FOXB1: variants seen among roughly 807,000 people sequenced by gnomAD.
FOXB1 encodes the protein forkhead box B1.
In FOXB1, 6 loss-of-function variants were observed where a neutral mutation model predicts 18.6. That is an observed-to-expected ratio of 0.32 (90% CI 0.18 to 0.64). The LOEUF (loss-of-function observed/expected upper bound fraction) is 0.64, where lower values mean the gene tolerates loss of function less well. Among genes scored for constraint, FOXB1 ranks in the 30% least tolerant of loss-of-function variants. FOXB1 has a pLI of 0.78. For missense variants in FOXB1, 419 were observed against 463.6 expected, an observed-to-expected ratio of 0.90 and a Z score of 0.88; for synonymous variants, 213 against 216.0, an observed-to-expected ratio of 0.99 and a Z score of 0.12.
In FOXB1 at chr15:60,006,128, G is replaced by A. The variant is rs573608083; in HGVS notation, c.*187G>A. ...GGAGACCAAACACAAACTTGCAGAT[G>A]GGCCGAGAGGCGCGTGGGAGTTGTC... On this transcript the variant is annotated 3_prime_UTR_variant, in exon 2 of 2. Transcript: ENST00000396057. 176 of 720,196 alleles carry A rather than the reference G, an allele frequency of 2.4e-4. No individual in the cohort carries two copies. The highest frequency in any genetic ancestry group is 1.6e-3 in the Middle Eastern group (4 of 2,440). The allele number at this position is 720,196 out of a possible 1,614,324, so 44.6% of individuals were successfully genotyped here.
At position 60,005,773 on chromosome 15, in the gene FOXB1, G is replaced by C. The variant is rs1163849546; in HGVS notation, c.810G>C (p.Val270=). 1 of 1,602,054 alleles carries C rather than the reference G, an allele frequency of 6.2e-7. No individual in the cohort carries two copies. Among genetic ancestry groups the C allele is most frequent in the Admixed American group, 1.7e-5 (1 of 59,396 alleles). Residue 270 remains valine (V), a synonymous_variant, in exon 2 of 2, where the codon GTG becomes GTC. Coordinates refer to ENST00000396057, the MANE Select transcript of FOXB1 (RefSeq NM_012182.3). This position sits in a 1 kb window ranked among gnomAD's most constrained non-coding sequence, Gnocchi z 9.8. ...PVPIKPTPAA[V]PALPALPAPI... ...CCATTAAGCCCACGCCGGCCGCCGTGCCCGCGCTGCCTGCGCTGCCAGCGC... is the reference window on the plus strand; with the variant it reads ...CCATTAAGCCCACGCCGGCCGCCGTCCCCGCGCTGCCTGCGCTGCCAGCGC...
rs765331905 is a variant in FOXB1 at position 60,005,238 on chromosome 15, G to A, written c.275G>A (p.Ser92Asn). Residue 92 changes from serine (S) to asparagine (N), a missense_variant, in exon 2 of 2, where the codon AGC (serine) becomes AAC (asparagine). Around this residue, in one of 3 missense-constraint regions of FOXB1, gnomAD observed 153 missense variants for 173.8 expected, o/e 0.88. Coordinates refer to ENST00000396057, the MANE Select transcript of FOXB1 (RefSeq NM_012182.3). The surrounding 1 kb of genome is among the most constrained non-coding windows in gnomAD (Gnocchi z 9.8). Reference sequence around the variant, plus strand: ...GGCAGCTTCTGGGCGCTGCACCCAAGCTGCGGGGACATGTTCGAGAACGGC... The same window carrying A: ...GGCAGCTTCTGGGCGCTGCACCCAAACTGCGGGGACATGTTCGAGAACGGC... ...GKGSFWALHPSCGDMFENGSF... is the reference protein window; with the variant it reads ...GKGSFWALHPNCGDMFENGSF... 2.5e-6 allele frequency: 4 copies of A among 1,614,028 alleles called. No individual in the cohort carries two copies. The highest frequency in any genetic ancestry group is 3.4e-6 in the Non-Finnish European group (4 of 1,180,042).
At chr15:60,004,707 C>A in intron 1 of FOXB1, 64 bp downstream of exon 1, 1 of 545,572 alleles carries the variant, frequency 1.8e-6, no homozygotes, top group East Asian at 3.1e-5. Flanking sequence ...TACTTCCCGG[C>A]TATCCTCGCG....
Position 60,005,736 on chromosome 15 carries a change from C to A in FOXB1, c.773C>A (p.Ala258Asp). 5 of 1,602,496 alleles carry A rather than the reference C, an allele frequency of 3.1e-6. No homozygotes were observed. Among genetic ancestry groups the A allele is most frequent in the Non-Finnish European group, 3.4e-6 (4 of 1,178,054 alleles). The change falls in exon 2 of 2, where the codon GCC (alanine) becomes GAC (aspartate). Residue 258 changes from alanine (A) to aspartate (D), a missense_variant. By Grantham distance (126) the Ala-to-Asp change is moderately radical. Transcript: ENST00000396057. This position sits in a 1 kb window ranked among gnomAD's most constrained non-coding sequence, Gnocchi z 9.8. ...CACGCGGCGGGCCAAACGCTGCCCGCCATCCCCGTGCCCATTAAGCCCACG... is the reference window on the plus strand; with the variant it reads ...CACGCGGCGGGCCAAACGCTGCCCGACATCCCCGTGCCCATTAAGCCCACG... ...LCHAAGQTLP[A>D]IPVPIKPTPA...
In FOXB1 at chr15:60,006,218, A is replaced by C; in HGVS notation, c.*277A>C. On this transcript the variant is annotated 3_prime_UTR_variant, in exon 2 of 2. Transcript: ENST00000396057. ...GAACCATCCCCTCCCTGAGGCCCCG[A>C]AACCCCCTCCTATTTGACCGGCGGG... The C allele has an allele frequency of 4.4e-6, 2 of 457,220 alleles. No individual in the cohort carries two copies. Among genetic ancestry groups the C allele is most frequent in the Non-Finnish European group, 7.6e-6 (2 of 262,144 alleles). 28.3% of individuals were successfully genotyped at this position (457,220 alleles called of 1,614,324 possible).
chr15:60,006,240 CG>C lies in FOXB1; in HGVS notation c.*304del, dbSNP rs1455068508. 4.6e-6 allele frequency: 2 copies of C among 434,164 alleles called. No homozygotes were observed. Among genetic ancestry groups the C allele is most frequent in the Non-Finnish European group, 8.1e-6 (2 of 247,260 alleles). The allele number at this position is 434,164 out of a possible 1,614,324, so 26.9% of individuals were successfully genotyped here. A position where few individuals can be genotyped will look rare whatever the true frequency, so the allele number is the denominator to read the frequency against. Reference sequence around the variant, plus strand: ...CCGAAACCCCCTCCTATTTGACCGGCGGGGGAAACCCTGTCACCCCCTCTTC... The same window carrying C: ...CCGAAACCCCCTCCTATTTGACCGGCGGGGAAACCCTGTCACCCCCTCTTC... On this transcript the variant is annotated 3_prime_UTR_variant, in exon 2 of 2. Coordinates refer to ENST00000396057, the MANE Select transcript of FOXB1 (RefSeq NM_012182.3).
chr15:60,005,692 G>A lies in FOXB1; in HGVS notation c.729G>A (p.Val243=). The stretch of plus-strand genomic sequence containing the variant: ...GTGGCGACTACAGCGCCTACGGCGT[G>A]CCGTTGAAGCCGCTGTGCCACGCGG... ...MASGDYSAYG[V]PLKPLCHAAG... is the part of the protein sequence containing the mutation. Residue 243 remains valine (V), a synonymous_variant, in exon 2 of 2, where the codon GTG becomes GTA. Transcript: ENST00000396057. The surrounding 1 kb of genome is among the most constrained non-coding windows in gnomAD (Gnocchi z 9.8). 2.5e-6 allele frequency: 4 copies of A among 1,604,184 alleles called. No individual in the cohort carries two copies. The highest frequency in any genetic ancestry group is 3.4e-6 in the Non-Finnish European group (4 of 1,177,762).
chr15:60,004,847 AC>A, intron 1 of FOXB1, 59 bp from the exon 2 acceptor site: 1 of 519,384 alleles, frequency 1.9e-6, no homozygotes, highest in South Asian at 2.2e-5. Context: ...GGTCTGGCTG[AC>A]CCCGCCGGTG....
rs1037818388 is a variant in FOXB1, at chr15:60,007,241, A to G, written c.*1300A>G. The G allele has an allele frequency of 6.6e-6, 1 of 152,130 alleles. No homozygotes were observed. Among genetic ancestry groups the G allele is most frequent in the South Asian group, 2.1e-4 (1 of 4,812 alleles). The allele number at this position is 152,130 out of a possible 1,614,324, so 9.4% of individuals were successfully genotyped here. On this transcript the variant is annotated 3_prime_UTR_variant, in exon 2 of 2. Transcript: ENST00000396057. Reference sequence around the variant, plus strand: ...TGTGACCTGCTTAAGTTAAAAAAAAAAAAAGTTGTAGTGTCATCAGAGCTG... The same window carrying G: ...TGTGACCTGCTTAAGTTAAAAAAAAGAAAAGTTGTAGTGTCATCAGAGCTG...
In FOXB1 at chr15:60,004,898, C is replaced by G. The variant is rs559211740; in HGVS notation, c.-57-9C>G. On this transcript the variant is annotated splice_polypyrimidine_tract_variant and intron_variant, in intron 1 of 1. Coordinates refer to ENST00000396057, the MANE Select transcript of FOXB1 (RefSeq NM_012182.3). ...TGCTACCTTTCCCTATTACCCACCC[C>G]CTTCCCAGATCCGAGCAGTCCGCCG... is the stretch of plus-strand genomic sequence containing the variant. 46 of 1,542,452 alleles carry G rather than the reference C, an allele frequency of 3.0e-5. No homozygotes were observed. The Admixed American group carries it at 3.3e-4, about 11-fold the overall frequency.
rs750274997 is a variant in FOXB1 at position 60,004,595 on chromosome 15, G to A, written c.-106G>A. The A allele has an allele frequency of 4.4e-5, 8 of 179,886 alleles. No homozygotes were observed. Among genetic ancestry groups the A allele is most frequent in the Non-Finnish European group, 6.9e-5 (6 of 87,084 alleles). 11.1% of individuals were successfully genotyped at this position (179,886 alleles called of 1,614,324 possible). ...GTGCGCGCCGAGAGAGAAGCGGCGC[G>A]CAGCGGCGTCCTCCCGGATGCGGAC... On this transcript the variant is annotated 5_prime_UTR_variant, in exon 1 of 2. Transcript: ENST00000396057.
Position 60,005,243 on chromosome 15 carries a change from G to A in FOXB1, c.280G>A (p.Gly94Arg), listed in dbSNP as rs750605489. The change falls in exon 2 of 2, where the codon GGG becomes AGG. Residue 94 changes from glycine to arginine, a missense_variant. By Grantham distance (125) the Gly-to-Arg change is moderately radical (BLOSUM62 -2). This residue lies in a region of FOXB1 where 153 missense variants were observed against 173.8 expected (regional missense o/e 0.88). Coordinates refer to ENST00000396057, the MANE Select transcript of FOXB1 (RefSeq NM_012182.3). This position sits in a 1 kb window ranked among gnomAD's most constrained non-coding sequence, Gnocchi z 9.8. The stretch of plus-strand genomic sequence containing the variant: ...CTTCTGGGCGCTGCACCCAAGCTGC[G>A]GGGACATGTTCGAGAACGGCAGCTT... ...GSFWALHPSC[G>R]DMFENGSFLR... is the part of the protein sequence containing the mutation. 1 of 1,614,096 alleles carries A rather than the reference G, an allele frequency of 6.2e-7. No homozygotes were observed. The highest frequency in any genetic ancestry group is 1.1e-5 in the South Asian group (1 of 91,078).
At position 60,005,342 on chromosome 15, in the gene FOXB1, C is replaced by A. The variant is rs1892079977; in HGVS notation, c.379C>A (p.Gln127Lys). The part of the protein sequence containing the change: ...LAPSKPADAA[Q>K]YLQQQAKLRL... ...GCCCAGCAAGCCAGCCGACGCGGCGCAGTACCTGCAGCAGCAGGCCAAGCT... is the reference window on the plus strand; with the variant it reads ...GCCCAGCAAGCCAGCCGACGCGGCGAAGTACCTGCAGCAGCAGGCCAAGCT... Residue 127 changes from glutamine to lysine, a missense_variant, in exon 2 of 2, where the codon CAG becomes AAG. Transcript: ENST00000396057. This position sits in a 1 kb window ranked among gnomAD's most constrained non-coding sequence, Gnocchi z 9.8. 6.2e-7 allele frequency: 1 copy of A among 1,609,772 alleles called. No individual in the cohort carries two copies. The highest frequency in any genetic ancestry group is 1.1e-5 in the South Asian group (1 of 90,886).
At position 60,004,956 on chromosome 15, in the gene FOXB1, GGAA is replaced by G; in HGVS notation, c.-2_1del. ...CGGACCCAGAGCAAGAAGAGGGCGA[GGAA>G]GAAGATGCCTCGGCCCGGCCGCAAC... is the stretch of plus-strand genomic sequence containing the variant. On this transcript the variant is annotated 5_prime_UTR_variant, in exon 2 of 2. Coordinates refer to ENST00000396057, the MANE Select transcript of FOXB1 (RefSeq NM_012182.3). 1.2e-6 allele frequency: 2 copies of G among 1,606,888 alleles called. No individual in the cohort carries two copies. Among genetic ancestry groups the G allele is most frequent in the Non-Finnish European group, 1.7e-6 (2 of 1,175,878 alleles).
Position 60,006,726 on chromosome 15 carries a change from C to CTTGA in FOXB1, c.*786_*789dup, listed in dbSNP as rs1203433244. ...CGCCCAGTAATATGTAAACAGTGAA[C>CTTGA]TTGAATCTGTCTTGCTAGGCGGACG... On this transcript the variant is annotated 3_prime_UTR_variant, in exon 2 of 2. Coordinates refer to ENST00000396057, the MANE Select transcript of FOXB1 (RefSeq NM_012182.3). 3 of 152,144 alleles carry CTTGA rather than the reference C, an allele frequency of 2.0e-5. No individual in the cohort carries two copies. Among genetic ancestry groups the CTTGA allele is most frequent in the African/African-American group, 7.2e-5 (3 of 41,406 alleles). The allele number at this position is 152,144 out of a possible 1,614,324, so 9.4% of individuals were successfully genotyped here.
At position 60,005,385 on chromosome 15, in the gene FOXB1, C is replaced by T. The variant is rs1417207319; in HGVS notation, c.422C>T (p.Ala141Val). The T allele has an allele frequency of 1.3e-6, 2 of 1,599,032 alleles. No individual in the cohort carries two copies. Among genetic ancestry groups the T allele is most frequent in the African/African-American group, 1.3e-5 (1 of 74,612 alleles). The change falls in exon 2 of 2, where the codon GCG (alanine) becomes GTG (valine). Residue 141 changes from alanine (A) to valine (V), a missense_variant. Coordinates refer to ENST00000396057, the MANE Select transcript of FOXB1 (RefSeq NM_012182.3). This position sits in a 1 kb window ranked among gnomAD's most constrained non-coding sequence, Gnocchi z 9.8. The part of the protein sequence containing the change: ...QQAKLRLSAL[A>V]ASGTHLPQMP... ...GCCAAGCTGCGGCTCAGCGCGCTGG[C>T]GGCCTCGGGCACGCACCTGCCACAG...
Position 60,005,518 on chromosome 15 carries a change from G to A in FOXB1, c.555G>A (p.Gly185=), listed in dbSNP as rs1007585120. ...IIAREYKMPG[G]LAFSAMQPVP... ...CGCGGGAATACAAGATGCCTGGGGG[G>A]CTGGCCTTCTCCGCCATGCAGCCGG... Residue 185 remains glycine (G), a synonymous_variant, in exon 2 of 2, where the codon GGG becomes GGA. Coordinates refer to ENST00000396057, the MANE Select transcript of FOXB1 (RefSeq NM_012182.3). The surrounding 1 kb of genome is among the most constrained non-coding windows in gnomAD (Gnocchi z 9.8). 23 of 1,610,750 alleles carry A rather than the reference G, an allele frequency of 1.4e-5. No individual in the cohort carries two copies. Among genetic ancestry groups the A allele is most frequent in the East Asian group, 2.2e-5 (1 of 44,802 alleles).
In FOXB1 at chr15:60,005,886, C is replaced by A; in HGVS notation, c.923C>A (p.Pro308His). Residue 308 changes from proline to histidine, a missense_variant, in exon 2 of 2, where the codon CCC becomes CAC. By Grantham distance (77) the Pro-to-His change is moderately conservative (BLOSUM62 -2). Transcript: ENST00000396057. This position sits in a 1 kb window ranked among gnomAD's most constrained non-coding sequence, Gnocchi z 9.8. ...ACCAGCCAAAGCAGCCCCGCCACCC[C>A]CAGCGAAACGCTCACCAGCCCGGCC... ...TATSQSSPATPSETLTSPASA... is the reference protein window; with the variant it reads ...TATSQSSPATHSETLTSPASA... The A allele has an allele frequency of 1.3e-6, 2 of 1,597,878 alleles. No individual in the cohort carries two copies. Among genetic ancestry groups the A allele is most frequent in the Non-Finnish European group, 1.7e-6 (2 of 1,174,350 alleles).
Position 60,006,237 on chromosome 15 carries a change from C to T in FOXB1, c.*296C>T, listed in dbSNP as rs1892095225. 4.6e-6 allele frequency: 2 copies of T among 438,556 alleles called. No individual in the cohort carries two copies. The highest frequency in any genetic ancestry group is 4.0e-6 in the Non-Finnish European group (1 of 249,990). 27.2% of individuals were successfully genotyped at this position (438,556 alleles called of 1,614,324 possible). ...GCCCCGAAACCCCCTCCTATTTGAC[C>T]GGCGGGGGAAACCCTGTCACCCCCT... On this transcript the variant is annotated 3_prime_UTR_variant, in exon 2 of 2. Coordinates refer to ENST00000396057, the MANE Select transcript of FOXB1 (RefSeq NM_012182.3).
Sources: gnomAD v4.1 joint callset for allele counts on GRCh38, gnomAD v4.1.1 for gene constraint, gnomAD v4.1.1 regional missense constraint, Gnocchi (gnomAD v3.1) non-coding constraint, MANE v1.5 for transcripts, NCBI Gene and HGNC (gene_info 2026-07-23, HGNC 2026-07-21) for gene names.